Variants in KSR2 observed in about 807,000 individuals in gnomAD.
KSR2 encodes kinase suppressor of ras 2.
A neutral mutation model predicts 107.8 loss-of-function variants in KSR2; 25 were observed. That is an observed-to-expected ratio of 0.23 (90% confidence interval 0.17 to 0.32). The LOEUF (loss-of-function observed/expected upper bound fraction) is 0.32, where lower values mean the gene tolerates loss of function less well. KSR2 is among the 10% of genes least tolerant of loss of function. The pLI is 1.00. For synonymous variants in KSR2, 480 were observed against 507.0 expected (o/e 0.95, Z 0.71); for missense variants, 887 against 1,268.9 (o/e 0.70, Z 4.57).
chr12:117,642,284 G>A (rs961219568), intron 5 of KSR2, among the ~76,000 whole-genome samples: 12 of 152,306 alleles, frequency 7.9e-5, no homozygotes, highest in Non-Finnish European at 1.6e-4. Flanking sequence ...CAATTCATCC[G>A]TTTCCTCGTT....
chr12:117,873,945 G>T (rs61939884), intron 1 of KSR2, among the ~76,000 whole-genome samples: 30,835 of 152,112 alleles, frequency 0.2, 4,633 homozygotes, highest in East Asian at 0.46. Flanking sequence ...GTAGTCTTAT[G>T]TCTATTCAAT....
At chr12:117,904,065 T>TA (rs575812445) in intron 1 of KSR2, among the ~76,000 whole-genome samples, 43 of 148,572 alleles carry the variant, frequency 2.9e-4, no homozygotes, top group Admixed American at 8.1e-4. Context: ...ATCTTGTCTC[T>TA]AAAAAAAAAA....
chr12:117,703,058 C>T (rs1407415461), intron 4 of KSR2, among the ~76,000 whole-genome samples: 1 of 152,118 alleles, frequency 6.6e-6, no homozygotes, highest in African/African-American at 2.4e-5. Flanking sequence ...TTTGGAAAAG[C>T]CCACCCAAGA....
intron 1 of KSR2, among the ~76,000 whole-genome samples, chr12:117,936,671 C>T (rs543423537): frequency 1.1e-4 from 16 of 152,060 alleles, no homozygotes; most frequent in African/African-American, 3.4e-4. Context: ...AGGCATGAGC[C>T]GCTGTGCCTG....
At chr12:117,858,126 G>C (rs2137235223) in intron 2 of KSR2, among the ~76,000 whole-genome samples, 1 of 152,214 alleles carries the variant, frequency 6.6e-6, no homozygotes, top group Non-Finnish European at 1.5e-5. Flanking sequence ...TTAAGTATTG[G>C]CTCAAAATAA....
intron 1 of KSR2, among the ~76,000 whole-genome samples, chr12:117,941,613 C>CT (rs139487553): frequency 0.017 from 915 of 53,038 alleles, 251 homozygotes; most frequent in East Asian, 0.071. Flanking sequence ...ACAGGCTTTC[C>CT]TTTTTTTTTT....
rs1449775866 is a variant in KSR2, at chr12:117,579,208, G to C, written c.1242-6C>G. On this transcript the variant is annotated splice_region_variant and splice_polypyrimidine_tract_variant and intron_variant, in intron 6 of 19. Coordinates refer to ENST00000339824, the MANE Select transcript of KSR2 (RefSeq NM_173598.6). The stretch of plus-strand genomic sequence containing the variant: ...TCCAGTACTTGGTGGAAAACCTGTG[G>C]AAAAGAGACAGAAAATGTTCAAGGT... 5.0e-6 allele frequency: 8 copies of C among 1,606,684 alleles called. No individual in the cohort carries two copies. Among genetic ancestry groups the C allele is most frequent in the Non-Finnish European group, 6.8e-6 (8 of 1,173,840 alleles).
At chr12:117,476,313 C>G (rs1871774820) in intron 17 of KSR2, 151 bp downstream of exon 17, 3 of 833,720 alleles carry the variant, frequency 3.6e-6, no homozygotes, top group Non-Finnish European at 5.3e-6. Context: ...CTAGTATACC[C>G]TACTCAGGTT....
chr12:117,559,166 T>G (rs1266678346), intron 7 of KSR2, among the ~76,000 whole-genome samples: 1 of 151,998 alleles, frequency 6.6e-6, no homozygotes, highest in African/African-American at 2.4e-5. Flanking sequence ...GATACCAAGA[T>G]GTGAGATGAG....
chr12:117,872,028 A>G (rs1202472073), intron 1 of KSR2, among the ~76,000 whole-genome samples: 1 of 152,236 alleles, frequency 6.6e-6, no homozygotes, highest in Non-Finnish European at 1.5e-5. Context: ...ACATTTGCCA[A>G]TCATAAAGAC....
In KSR2 at chr12:117,965,734, T is replaced by C. The variant is rs940725516; in HGVS notation, c.180+2342A>G. On this transcript the variant is annotated intron_variant, in intron 1 of 19. Coordinates refer to ENST00000339824, the MANE Select transcript of KSR2 (RefSeq NM_173598.6). ...CATGTATCAGAAATACCTGGACTGTTTATTAAACGCAGATTCCTTGACCCT... is the reference window on the plus strand; with the variant it reads ...CATGTATCAGAAATACCTGGACTGTCTATTAAACGCAGATTCCTTGACCCT... Among the ~76,000 whole-genome samples the C allele has an allele frequency of 3.3e-5, 5 of 152,344 alleles. No individual in the cohort carries two copies. In the South Asian group the frequency reaches 1.0e-3, roughly 32 times the overall value.
intron 1 of KSR2, among the ~76,000 whole-genome samples, chr12:117,947,198 A>AG (rs1566094521): frequency 5.4e-5 from 2 of 36,806 alleles, no homozygotes; most frequent in East Asian, 7.1e-4. Context: ...AAAGAAAGAA[A>AG]AGAAAGAAAA....
intron 4 of KSR2, among the ~76,000 whole-genome samples, chr12:117,715,491 C>T (rs1011987530): frequency 6.6e-6 from 1 of 152,172 alleles, no homozygotes; most frequent in Non-Finnish European, 1.5e-5. Context: ...ACCTTTGTTG[C>T]GTGTTGTACC....
intron 3 of KSR2, among the ~76,000 whole-genome samples, chr12:117,836,038 C>T (rs1892198279): frequency 6.6e-6 from 1 of 152,180 alleles, no homozygotes; most frequent in Admixed American, 6.5e-5. Flanking sequence ...AACTTGCCCA[C>T]TCTTGGGGAG....
intron 5 of KSR2, among the ~76,000 whole-genome samples, chr12:117,586,764 G>A (rs1240603728): frequency 1.3e-5 from 2 of 152,060 alleles, no homozygotes; most frequent in Non-Finnish European, 2.9e-5. Flanking sequence ...ACACTACAGA[G>A]TATACACACA....
intron 7 of KSR2, among the ~76,000 whole-genome samples, chr12:117,575,252 T>C (rs1402162460): frequency 6.6e-6 from 1 of 152,230 alleles, no homozygotes; most frequent in East Asian, 1.9e-4. Context: ...ATGGTGTATA[T>C]ATAACAGGTG....
chr12:117,747,162 G>A (rs1412473025), intron 4 of KSR2, among the ~76,000 whole-genome samples: 1 of 152,138 alleles, frequency 6.6e-6, no homozygotes, highest in Non-Finnish European at 1.5e-5. Flanking sequence ...TTTCACAATA[G>A]CAAAGACCTG....
In KSR2 at chr12:117,545,848, CTT is replaced by C. The variant is rs373872135; in HGVS notation, c.1519-5963_1519-5962del. Reference sequence around the variant, plus strand: ...TAGGTAGTATATTATATATACATAACTTATTACAGTCTACTGGTGTTGACATT... The same window carrying C: ...TAGGTAGTATATTATATATACATAACATTACAGTCTACTGGTGTTGACATT... On this transcript the variant is annotated intron_variant, in intron 9 of 19. Coordinates refer to ENST00000339824, the MANE Select transcript of KSR2 (RefSeq NM_173598.6). 3.9e-5 allele frequency among the ~76,000 whole-genome samples: 6 copies of C among 152,156 alleles called. No homozygotes were observed. The East Asian group carries it at 5.8e-4, about 15-fold the overall frequency.
In KSR2 at chr12:117,677,883, C is replaced by G. The variant is rs550352774; in HGVS notation, c.987-10225G>C. Among the ~76,000 whole-genome samples the G allele has an allele frequency of 3.9e-5, 6 of 152,256 alleles. No homozygotes were observed. The East Asian group carries it at 1.2e-3, about 29-fold the overall frequency. ...GTACAAGTGAATATTAACAACAAGC[C>G]TTGCAGGTGGTTCCATCTCACAGAT... is the stretch of plus-strand genomic sequence containing the variant. On this transcript the variant is annotated intron_variant, in intron 4 of 19. Transcript: ENST00000339824.
Sources: allele counts gnomAD v4.1 joint callset (sites outside exome capture counted in the v4.1 genomes callset), GRCh38; gene constraint gnomAD v4.1.1; transcripts MANE v1.5; gene names NCBI Gene and HGNC (gene_info 2026-07-23, HGNC 2026-07-21).